ANKRD31: variants seen among roughly 807,000 people sequenced by gnomAD.
ANKRD31 encodes ankyrin repeat domain-containing protein 31.
Under a neutral mutation model 186.0 loss-of-function variants are expected in ANKRD31, and 147 were observed. The ratio of observed to expected loss-of-function variants is 0.79; its 90% CI spans 0.69 to 0.91. The LOEUF is 0.91. Ranked by LOEUF, ANKRD31 falls within the 40% of genes least tolerant of loss-of-function variation. The probability of loss-of-function intolerance (pLI) is 0.00; values close to 1 mark genes in which losing one functional copy is unlikely to be tolerated. For synonymous variants in ANKRD31, 673 were observed against 736.4 expected (o/e 0.91, Z 1.39); for missense variants, 1,986 against 2,148.8 (o/e 0.92, Z 1.50).
At chr5:75,226,619 CAT>C (rs1289235538) in intron 2 of ANKRD31, among the ~76,000 whole-genome samples, 2 of 152,168 alleles carry the variant, frequency 1.3e-5, no homozygotes, top group Non-Finnish European at 2.9e-5. Flanking sequence ...TCTGAACACA[CAT>C]GTCTCAAAAG....
chr5:75,091,604 C>T (rs1745928570), intron 22 of ANKRD31, among the ~76,000 whole-genome samples: 1 of 152,042 alleles, frequency 6.6e-6, no homozygotes. Flanking sequence ...CTACAAAAAT[C>T]AGATTAAAAA....
intron 3 of ANKRD31, among the ~76,000 whole-genome samples, chr5:75,221,472 G>A (rs1218740934): frequency 6.6e-6 from 1 of 152,088 alleles, no homozygotes; most frequent in African/African-American, 2.4e-5. Context: ...TTCTTCACAA[G>A]TTTAAGAAGA....
intron 2 of ANKRD31, among the ~76,000 whole-genome samples, chr5:75,227,924 C>T (rs1757727139): frequency 6.6e-6 from 1 of 152,162 alleles, no homozygotes; most frequent in African/African-American, 2.4e-5. Flanking sequence ...AGGTTGCACA[C>T]TCCTTATAAG....
chr5:75,069,692 C>T (rs1744063280), intron 25 of ANKRD31, among the ~76,000 whole-genome samples: 1 of 151,816 alleles, frequency 6.6e-6, no homozygotes, highest in Non-Finnish European at 1.5e-5. Context: ...ATTATAGGTG[C>T]CTACCACCAC....
chr5:75,104,720 T>G lies in ANKRD31; in HGVS notation c.4839A>C (p.Thr1613=), dbSNP rs910190671. Residue 1613 remains threonine, a synonymous_variant, in exon 22 of 26, where the codon ACA becomes ACC. Transcript: ENST00000506364. ...GATCATTCTCTTTCTGTGAATATTC[T>G]GTTTGACCAATAAAAGCAACAGGTT... ...PSQPVAFIGQ[T]EYSQKENDLT... is the part of the protein sequence containing the mutation. The G allele has an allele frequency of 2.0e-6, 3 of 1,537,110 alleles. No homozygotes were observed. The African/African-American group carries it at 4.1e-5, about 21-fold the overall frequency.
intron 23 of ANKRD31, 138 bp downstream of exon 23, chr5:75,091,123 C>G: frequency 1.1e-6 from 1 of 874,474 alleles, no homozygotes; most frequent in South Asian, 2.0e-5. Flanking sequence ...GATATGCATA[C>G]AGCATATACA....
At chr5:75,221,630 C>G (rs1260619276) in intron 3 of ANKRD31, among the ~76,000 whole-genome samples, 1 of 152,164 alleles carries the variant, frequency 6.6e-6, no homozygotes, top group Non-Finnish European at 1.5e-5. Context: ...TTTTGAACAA[C>G]ACAGGCTTGA....
Position 75,105,184 on chromosome 5 carries a change from T to C in ANKRD31, c.4375A>G (p.Arg1459Gly), listed in dbSNP as rs1370702328. 1.3e-6 allele frequency: 2 copies of C among 1,533,076 alleles called. No homozygotes were observed. The highest frequency in any genetic ancestry group is 2.4e-5 in the East Asian group (1 of 40,898). 95.0% of individuals were successfully genotyped at this position (1,533,076 alleles called of 1,614,324 possible). Residue 1459 changes from arginine to glycine, a missense_variant, in exon 22 of 26, where the codon AGA becomes GGA. Coordinates refer to ENST00000506364, the MANE Select transcript of ANKRD31 (RefSeq NM_001372053.1). ...GCAGCCAAGTTGGCCAATTGTTCTC[T>C]CAGGGCTCCATGCTTAAATGACTCT... ...SIESFKHGALREQLANLAARQ... is the reference protein window; with the variant it reads ...SIESFKHGALGEQLANLAARQ...
chr5:75,147,985 C>T (rs1580432433), intron 13 of ANKRD31, among the ~76,000 whole-genome samples: 1 of 151,672 alleles, frequency 6.6e-6, no homozygotes, highest in Non-Finnish European at 1.5e-5. Flanking sequence ...ATAAACTTTA[C>T]AAGAAGCTTT....
intron 1 of ANKRD31, among the ~76,000 whole-genome samples, chr5:75,232,176 T>C (rs1040665181): frequency 2.0e-4 from 31 of 152,306 alleles, no homozygotes; most frequent in Non-Finnish European, 4.1e-4. Context: ...AAGTAAACCA[T>C]CTACTGATGT....
intron 11 of ANKRD31, among the ~76,000 whole-genome samples, chr5:75,162,615 G>T (rs1486302095): frequency 6.6e-6 from 1 of 152,118 alleles, no homozygotes; most frequent in Non-Finnish European, 1.5e-5. Context: ...GAGGGGTCAG[G>T]GGTGGAATTA....
chr5:75,187,921 T>C (rs984208883), intron 10 of ANKRD31, among the ~76,000 whole-genome samples: 2 of 152,164 alleles, frequency 1.3e-5, no homozygotes, highest in Admixed American at 1.3e-4. Context: ...TATTAAGTAC[T>C]TAAGTACCTT....
chr5:75,218,237 A>G (rs1757078892), intron 3 of ANKRD31, among the ~76,000 whole-genome samples: 1 of 152,094 alleles, frequency 6.6e-6, no homozygotes, highest in Non-Finnish European at 1.5e-5. Context: ...ATCCAAATAA[A>G]CACAGTTAGA....
At chr5:75,126,030 A>G (rs949560744) in intron 17 of ANKRD31, among the ~76,000 whole-genome samples, 5 of 152,192 alleles carry the variant, frequency 3.3e-5, no homozygotes, top group African/African-American at 9.6e-5. Context: ...CTGGGAACCA[A>G]TGATCTGCCT....
intron 10 of ANKRD31, among the ~76,000 whole-genome samples, chr5:75,182,366 A>G (rs1294672094): frequency 6.6e-6 from 1 of 152,208 alleles, no homozygotes; most frequent in Non-Finnish European, 1.5e-5. Flanking sequence ...TCCTTCTAGA[A>G]AACTTCCTTT....
intron 1 of ANKRD31, among the ~76,000 whole-genome samples, chr5:75,234,416 T>TA (rs1758130655): frequency 6.6e-6 from 1 of 152,238 alleles, no homozygotes; most frequent in African/African-American, 2.4e-5. Flanking sequence ...TAGTCCTCAC[T>TA]ACTCAGGGAG....
chr5:75,231,268 A>G (rs898136622), intron 1 of ANKRD31, among the ~76,000 whole-genome samples: 1 of 151,518 alleles, frequency 6.6e-6, no homozygotes, highest in Admixed American at 6.6e-5. Context: ...TTTTAGAGCC[A>G]GGGTCTTATC....
chr5:75,088,872 T>G (rs925695703), intron 23 of ANKRD31, among the ~76,000 whole-genome samples: 9 of 152,208 alleles, frequency 5.9e-5, no homozygotes, highest in African/African-American at 2.2e-4. Context: ...ATCGCTACGT[T>G]GGAAGGGTCT....
In ANKRD31 at chr5:75,068,436, C is replaced by T. The variant is rs536299916; in HGVS notation, c.*83G>A. The T allele has an allele frequency of 8.9e-4, 1,155 of 1,302,974 alleles. 2 individuals carry two copies. The highest frequency in any genetic ancestry group is 2.9e-3 in the Middle Eastern group (13 of 4,532). The allele number at this position is 1,302,974 out of a possible 1,614,324, so 80.7% of individuals were successfully genotyped here. ...CTCATAAAGTGTATGTTAAAATAGGCCCACCAGATTATACAAGATGAAATA... is the reference window on the plus strand; with the variant it reads ...CTCATAAAGTGTATGTTAAAATAGGTCCACCAGATTATACAAGATGAAATA... On this transcript the variant is annotated 3_prime_UTR_variant, in exon 26 of 26. Coordinates refer to ENST00000506364, the MANE Select transcript of ANKRD31 (RefSeq NM_001372053.1).
Sources: allele counts gnomAD v4.1 joint callset (sites outside exome capture counted in the v4.1 genomes callset), GRCh38; gene constraint gnomAD v4.1.1; transcripts MANE v1.5; gene names NCBI Gene and HGNC (gene_info 2026-07-23, HGNC 2026-07-21).